Variants in DPP10 observed in about 807,000 individuals in gnomAD.
DPP10 encodes the protein inactive dipeptidyl peptidase 10.
Under a neutral mutation model 120.9 loss-of-function variants are expected in DPP10, and 33 were observed. The observed-to-expected ratio is 0.27, with a 90% CI of 0.21 to 0.37. DPP10 has a LOEUF of 0.37. DPP10 is among the 10% of genes least tolerant of loss of function. DPP10 has a pLI of 1.00. For missense variants in DPP10, 816 were observed against 942.8 expected, an observed-to-expected ratio of 0.87 and a Z score of 1.76; for synonymous variants, 337 against 326.1, an observed-to-expected ratio of 1.03 and a Z score of -0.36.
intron 1 of DPP10, among the ~76,000 whole-genome samples, chr2:115,216,524 C>G (rs943968568): frequency 7.2e-5 from 11 of 152,212 alleles, no homozygotes; most frequent in African/African-American, 2.6e-4. Context: ...TGGCTCGTGC[C>G]TGTAATCCAA....
In DPP10 at chr2:114,897,642, A is replaced by C. The variant is rs536098298; in HGVS notation, c.61-411597A>C. On this transcript the variant is annotated intron_variant, in intron 1 of 25. Coordinates refer to ENST00000410059, the MANE Select transcript of DPP10 (RefSeq NM_020868.6). ...CCAGAATCTACAATGAACTCAAACA[A>C]ATTTACAAGAAAAAAACAAACAACC... Among the ~76,000 whole-genome samples, 137 of 151,866 alleles carry C rather than the reference A, an allele frequency of 9.0e-4. 1 individual carries two copies. In the South Asian group the frequency reaches 0.019, roughly 21 times the overall value.
intron 1 of DPP10, among the ~76,000 whole-genome samples, chr2:114,619,369 A>G (rs563469144): frequency 1.4e-5 from 2 of 147,136 alleles, no homozygotes; most frequent in East Asian, 4.0e-4. Flanking sequence ...ATGTGTGTGT[A>G]TATATATACA....
chr2:115,593,981 A>G (rs1427113555), intron 5 of DPP10, among the ~76,000 whole-genome samples: 1 of 152,210 alleles, frequency 6.6e-6, no homozygotes, highest in East Asian at 1.9e-4. Flanking sequence ...TGAAGTGGGT[A>G]AATTCCTCTC....
intron 1 of DPP10, among the ~76,000 whole-genome samples, chr2:114,554,050 C>A (rs559915701): frequency 1.3e-5 from 2 of 152,262 alleles, no homozygotes; most frequent in East Asian, 3.9e-4. Flanking sequence ...GTGAGATCAT[C>A]AGGAACAACT....
chr2:115,218,184 T>C (rs1322989831), intron 1 of DPP10, among the ~76,000 whole-genome samples: 7 of 152,168 alleles, frequency 4.6e-5, no homozygotes, highest in Admixed American at 3.9e-4. Context: ...AAAGGACAAT[T>C]TTTATTTTTG....
chr2:115,229,465 A>G (rs1342264767), intron 1 of DPP10, among the ~76,000 whole-genome samples: 1 of 152,018 alleles, frequency 6.6e-6, no homozygotes, highest in Non-Finnish European at 1.5e-5. Flanking sequence ...CAATGTCCTG[A>G]TTCCTCAGTG....
At chr2:115,224,863 A>G (rs1447261877) in intron 1 of DPP10, among the ~76,000 whole-genome samples, 1 of 152,224 alleles carries the variant, frequency 6.6e-6, no homozygotes, top group African/African-American at 2.4e-5. Flanking sequence ...AACATTAAGA[A>G]TGATCACACT....
intron 1 of DPP10, among the ~76,000 whole-genome samples, chr2:114,818,073 T>C (rs141475732): frequency 2.0e-5 from 3 of 152,092 alleles, no homozygotes; most frequent in East Asian, 3.9e-4. Flanking sequence ...GAAGAAACCA[T>C]AGAGTAAAAT....
chr2:114,832,920 C>CA (rs200731820), intron 1 of DPP10, among the ~76,000 whole-genome samples: 1,772 of 152,000 alleles, frequency 0.012, 33 homozygotes, highest in African/African-American at 0.041. Flanking sequence ...ATTGCCATTT[C>CA]AAAAAATGTA....
chr2:115,772,757 G>T lies in DPP10; in HGVS notation c.1221+4353G>T, dbSNP rs188454779. On this transcript the variant is annotated intron_variant, in intron 13 of 25. Transcript: ENST00000410059. ...CAGGAACTGTAACATTCTACATCCT[G>T]CAATTCAGGCTGCAGTGAAGAGATA... Among the ~76,000 whole-genome samples, 94 of 152,244 alleles carry T rather than the reference G, an allele frequency of 6.2e-4. 1 individual carries two copies. The highest frequency in any genetic ancestry group is 6.2e-3 in the Admixed American group (94 of 15,274).
At chr2:115,152,286 C>G (rs1230737399) in intron 1 of DPP10, among the ~76,000 whole-genome samples, 1 of 152,116 alleles carries the variant, frequency 6.6e-6, no homozygotes, top group African/African-American at 2.4e-5. Context: ...AGCTATGTAC[C>G]AATAAAACTT....
At chr2:115,075,705 CTTT>C (rs202184549) in intron 1 of DPP10, among the ~76,000 whole-genome samples, 1 of 143,208 alleles carries the variant, frequency 7.0e-6, no homozygotes. Flanking sequence ...CAATGGTGAA[CTTT>C]TTTTTTTTTT....
At chr2:115,419,675 A>G (rs1318239542) in intron 3 of DPP10, among the ~76,000 whole-genome samples, 1 of 152,162 alleles carries the variant, frequency 6.6e-6, no homozygotes, top group East Asian at 1.9e-4. Context: ...TATTAAAGTA[A>G]GTTTTCAAAC....
intron 1 of DPP10, among the ~76,000 whole-genome samples, chr2:114,691,232 A>C (rs983889514): frequency 6.6e-6 from 1 of 152,100 alleles, no homozygotes; most frequent in Non-Finnish European, 1.5e-5. Context: ...ATTTTGATGT[A>C]TGTTCCTTCA....
At chr2:114,916,491 G>A (rs904354438) in intron 1 of DPP10, among the ~76,000 whole-genome samples, 8 of 152,086 alleles carry the variant, frequency 5.3e-5, no homozygotes, top group Non-Finnish European at 1.2e-4. Flanking sequence ...CATTGTTTTG[G>A]TACCAAAACC....
In DPP10 at chr2:115,452,432, A is replaced by G. The variant is rs183487702; in HGVS notation, c.272-47078A>G. On this transcript the variant is annotated intron_variant, in intron 3 of 25. Transcript: ENST00000410059. ...TTCTCTCCCATCCCAATGTAAGTCAATGCTGATTGAACCTCGTTCACTTAG... is the reference window on the plus strand; with the variant it reads ...TTCTCTCCCATCCCAATGTAAGTCAGTGCTGATTGAACCTCGTTCACTTAG... Among the ~76,000 whole-genome samples the G allele has an allele frequency of 1.3e-3, 193 of 152,028 alleles. 1 individual carries two copies. Among genetic ancestry groups the G allele is most frequent in the African/African-American group, 4.5e-3 (188 of 41,540 alleles).
chr2:115,042,671 A>G (rs537311771), intron 1 of DPP10, among the ~76,000 whole-genome samples: 1 of 152,316 alleles, frequency 6.6e-6, no homozygotes, highest in African/African-American at 2.4e-5. Flanking sequence ...AAGGCAAGAG[A>G]TAGAGAGGAC....
chr2:115,521,605 A>ATTTTTTTTTT (rs79361161), intron 4 of DPP10, among the ~76,000 whole-genome samples: 2 of 143,556 alleles, frequency 1.4e-5, no homozygotes. Context: ...TCTAATCCTT[A>ATTTTTTTTTT]TTTTTTTTTT....
chr2:115,619,546 A>G (rs2084791694), intron 5 of DPP10, among the ~76,000 whole-genome samples: 1 of 152,140 alleles, frequency 6.6e-6, no homozygotes, highest in Non-Finnish European at 1.5e-5. Flanking sequence ...ATTGTCAAGT[A>G]TACACTTACG....
Sources: gnomAD v4.1 joint callset for allele counts (sites outside exome capture counted in the v4.1 genomes callset) on GRCh38, gnomAD v4.1.1 for gene constraint, MANE v1.5 for transcripts, NCBI Gene and HGNC (gene_info 2026-07-23, HGNC 2026-07-21) for gene names.